Variants in LHPP observed in about 807,000 individuals in gnomAD.
LHPP encodes hLHPP.
A neutral mutation model predicts 30.3 loss-of-function variants in LHPP; 24 were observed. The observed-to-expected ratio is 0.79, with a 90% CI of 0.57 to 1.11. The LOEUF is 1.11. Ranked by LOEUF, LHPP falls within the 50% of genes most tolerant of loss-of-function variation. The pLI is 0.00. For synonymous variants in LHPP, 150 were observed against 157.1 expected (o/e 0.95, Z 0.34); for missense variants, 356 against 367.2 (o/e 0.97, Z 0.25).
chr10:124,561,254 G>A (rs919517853), intron 6 of LHPP, among the ~76,000 whole-genome samples: 6 of 152,184 alleles, frequency 3.9e-5, no homozygotes, highest in African/African-American at 9.7e-5. Context: ...TCAGCTACTC[G>A]TGCCAGCAAG....
At chr10:124,542,016 C>T (rs1955204428) in intron 6 of LHPP, among the ~76,000 whole-genome samples, 1 of 152,134 alleles carries the variant, frequency 6.6e-6, no homozygotes, top group Middle Eastern at 3.4e-3. Flanking sequence ...TCCTGAGACA[C>T]CTCTCCAGCT....
intron 5 of LHPP, among the ~76,000 whole-genome samples, chr10:124,505,793 G>A (rs932251760): frequency 6.6e-6 from 1 of 152,218 alleles, no homozygotes; most frequent in Non-Finnish European, 1.5e-5. Flanking sequence ...AATCCTGCAG[G>A]TTTAGTGGAG....
chr10:124,546,525 C>G (rs979545380), intron 6 of LHPP, among the ~76,000 whole-genome samples: 3 of 152,206 alleles, frequency 2.0e-5, no homozygotes, highest in Non-Finnish European at 4.4e-5. Context: ...GCCTCACCCT[C>G]CCGAGTAGCT....
In LHPP at chr10:124,598,721, G is replaced by A. The variant is rs187746148; in HGVS notation, c.717-14543G>A. ...CATCCACGTGTCCATCTGTCTACCC[G>A]TACACCTGTTCATCCCCATCCATCC... On this transcript the variant is annotated intron_variant, in intron 6 of 6. Transcript: ENST00000368842. 1.5e-3 allele frequency among the ~76,000 whole-genome samples: 232 copies of A among 150,684 alleles called. 1 individual carries two copies. Among genetic ancestry groups the A allele is most frequent in the Non-Finnish European group, 2.8e-3 (189 of 67,700 alleles).
intron 6 of LHPP, chr10:124,546,099 C>G (rs1357155730): frequency 6.6e-6 from 1 of 151,976 alleles, no homozygotes; most frequent in Admixed American, 6.5e-5. Context: ...GGCACAAGCT[C>G]TTTGAGGCAG....
In LHPP at chr10:124,593,694, G is replaced by A. The variant is rs893886571; in HGVS notation, c.717-19570G>A. The stretch of plus-strand genomic sequence containing the variant: ...ACCCAAACGCGACGTCCCCAGTGGC[G>A]GTGGCTGAGGAGAGGGGTTGGGGCG... On this transcript the variant is annotated intron_variant, in intron 6 of 6. Coordinates refer to ENST00000368842, the MANE Select transcript of LHPP (RefSeq NM_022126.4). This position sits in a 1 kb window ranked among gnomAD's most constrained non-coding sequence, Gnocchi z 4.9. 2.6e-5 allele frequency among the ~76,000 whole-genome samples: 4 copies of A among 152,254 alleles called. No individual in the cohort carries two copies. Among genetic ancestry groups the A allele is most frequent in the Non-Finnish European group, 4.4e-5 (3 of 68,046 alleles).
intron 6 of LHPP, among the ~76,000 whole-genome samples, chr10:124,600,433 G>A (rs992619550): frequency 2.0e-5 from 3 of 152,256 alleles, no homozygotes; most frequent in Non-Finnish European, 4.4e-5. Flanking sequence ...GGGCTGGCTC[G>A]ATCTGGGTGT....
At chr10:124,491,260 C>A (rs541395488) in intron 3 of LHPP, among the ~76,000 whole-genome samples, 1 of 152,208 alleles carries the variant, frequency 6.6e-6, no homozygotes, top group Non-Finnish European at 1.5e-5. Context: ...AATTCCGAGG[C>A]GGTGGCGGAG....
chr10:124,529,982 G>A (rs1189262726), intron 6 of LHPP, among the ~76,000 whole-genome samples: 1 of 152,220 alleles, frequency 6.6e-6, no homozygotes, highest in Non-Finnish European at 1.5e-5. Context: ...GGTCCCAAGT[G>A]GGGGCGGCTG....
chr10:124,499,181 C>T (rs967673179), intron 5 of LHPP, among the ~76,000 whole-genome samples: 5 of 151,816 alleles, frequency 3.3e-5, no homozygotes, highest in Non-Finnish European at 5.9e-5. Flanking sequence ...TGCCCAGCCC[C>T]GGCTAACTTT....
chr10:124,519,495 TAA>T (rs1954551267), intron 6 of LHPP, among the ~76,000 whole-genome samples: 1 of 152,196 alleles, frequency 6.6e-6, no homozygotes, highest in South Asian at 2.1e-4. Flanking sequence ...GTTACATGCA[TAA>T]GTTCTTTAGT....
intron 6 of LHPP, among the ~76,000 whole-genome samples, chr10:124,607,750 C>T (rs1037344636): frequency 4.6e-5 from 7 of 152,168 alleles, no homozygotes; most frequent in Non-Finnish European, 7.3e-5. Context: ...TGTTCCGCTT[C>T]GGGCAACAAG....
chr10:124,598,758 C>T (rs1240545911), intron 6 of LHPP, among the ~76,000 whole-genome samples: 1 of 151,524 alleles, frequency 6.6e-6, no homozygotes. Context: ...TCCCCCTGTC[C>T]ATCCCTGCCC....
chr10:124,500,065 A>G (rs912260859), intron 5 of LHPP, among the ~76,000 whole-genome samples: 1 of 152,094 alleles, frequency 6.6e-6, no homozygotes, highest in Non-Finnish European at 1.5e-5. Flanking sequence ...TAGAGATTTC[A>G]AACATACAGA....
At chr10:124,527,599 C>T (rs1954775098) in intron 6 of LHPP, among the ~76,000 whole-genome samples, 1 of 152,154 alleles carries the variant, frequency 6.6e-6, no homozygotes, top group Non-Finnish European at 1.5e-5. Context: ...CCTGACTTTT[C>T]ATGAGCCCGG....
intron 6 of LHPP, among the ~76,000 whole-genome samples, chr10:124,581,829 T>G (rs1400119740): frequency 6.6e-6 from 1 of 152,186 alleles, no homozygotes; most frequent in African/African-American, 2.4e-5. Flanking sequence ...TCGGCCAGGC[T>G]GGAGTGCAGT....
At chr10:124,599,950 G>A (rs1392664848) in intron 6 of LHPP, among the ~76,000 whole-genome samples, 1 of 152,230 alleles carries the variant, frequency 6.6e-6, no homozygotes, top group Admixed American at 6.5e-5. Flanking sequence ...TTGGGGGTAG[G>A]ATAGGTCCTG....
intron 1 of LHPP, among the ~76,000 whole-genome samples, chr10:124,483,937 G>A (rs1953229800): frequency 6.6e-6 from 1 of 151,906 alleles, no homozygotes; most frequent in African/African-American, 2.4e-5. Flanking sequence ...TGGTATGGGG[G>A]TCCTCTGAGA....
rs1254383723 is a variant in LHPP, at chr10:124,592,328, C to T, written c.717-20936C>T. Among the ~76,000 whole-genome samples the T allele has an allele frequency of 6.6e-6, 1 of 152,180 alleles. No individual in the cohort carries two copies. Among genetic ancestry groups the T allele is most frequent in the Non-Finnish European group, 1.5e-5 (1 of 68,028 alleles). On this transcript the variant is annotated intron_variant, in intron 6 of 6. Transcript: ENST00000368842. This position sits in a 1 kb window ranked among gnomAD's most constrained non-coding sequence, Gnocchi z 6.2. ...AAAGAGGGAAGTCCCATCACCCTCA[C>T]TCACCCAGCCCCGGGCTGGCCCTGT...
Sources: gnomAD v4.1 joint callset for allele counts (sites outside exome capture counted in the v4.1 genomes callset) on GRCh38, gnomAD v4.1.1 for gene constraint, Gnocchi (gnomAD v3.1) non-coding constraint, MANE v1.5 for transcripts, NCBI Gene and HGNC (gene_info 2026-07-23, HGNC 2026-07-21) for gene names.